Variants in AQP9 observed in about 807,000 individuals in gnomAD.
The protein encoded by AQP9 is aquaporin-9.
In AQP9, 19 loss-of-function variants were observed where a neutral mutation model predicts 23.8. That is an observed-to-expected ratio of 0.80 (90% CI 0.56 to 1.17). The LOEUF (loss-of-function observed/expected upper bound fraction) is 1.17. Among genes scored for constraint, AQP9 ranks in the 50% most tolerant of loss-of-function variants. The pLI is 0.00. For synonymous variants in AQP9, 153 were observed against 131.5 expected (o/e 1.16, Z -1.12); for missense variants, 413 against 362.0 (o/e 1.14, Z -1.14).
At chr15:58,170,518 C>A (rs191889321) in intron 2 of AQP9, among the ~76,000 whole-genome samples, 166 of 152,112 alleles carry the variant, frequency 1.1e-3, no homozygotes, top group African/African-American at 3.7e-3. Context: ...GATTCTCCTG[C>A]CTCAGCCTCC....
At chr15:58,159,404 A>G (rs1898327487) in intron 1 of AQP9, among the ~76,000 whole-genome samples, 1 of 151,974 alleles carries the variant, frequency 6.6e-6, no homozygotes, top group Non-Finnish European at 1.5e-5. Flanking sequence ...AGATGTACAT[A>G]TTTTGGGGGT....
intron 1 of AQP9, among the ~76,000 whole-genome samples, chr15:58,144,468 G>A (rs1201449247): frequency 6.6e-6 from 1 of 152,098 alleles, no homozygotes; most frequent in Non-Finnish European, 1.5e-5. Context: ...CAGTGCCATT[G>A]ATCTGTTTGT....
chr15:58,178,668 T>C (rs1245615896), intron 4 of AQP9, among the ~76,000 whole-genome samples: 1 of 152,254 alleles, frequency 6.6e-6, no homozygotes, highest in East Asian at 1.9e-4. Context: ...TAATTCTGTT[T>C]TCCTTTTTTG....
intron 1 of AQP9, among the ~76,000 whole-genome samples, chr15:58,163,605 C>T (rs192899794): frequency 1.3e-5 from 2 of 151,886 alleles, no homozygotes; most frequent in Non-Finnish European, 2.9e-5. Flanking sequence ...TCTGAATGGA[C>T]GACAGACCTA....
intron 1 of AQP9, among the ~76,000 whole-genome samples, chr15:58,145,208 G>A (rs556154665): frequency 1.3e-5 from 2 of 151,298 alleles, no homozygotes; most frequent in East Asian, 3.9e-4. Context: ...TTCTATTAAC[G>A]TATTTACCCT....
chr15:58,160,497 G>C (rs1180657228), intron 1 of AQP9, among the ~76,000 whole-genome samples: 2 of 152,018 alleles, frequency 1.3e-5, no homozygotes, highest in Non-Finnish European at 2.9e-5. Context: ...TTGTGCCCTT[G>C]CTTAAGTTTA....
chr15:58,141,335 G>A (rs1897949376), intron 1 of AQP9, among the ~76,000 whole-genome samples: 1 of 152,194 alleles, frequency 6.6e-6, no homozygotes, highest in Non-Finnish European at 1.5e-5. Flanking sequence ...ATTTCCTCCT[G>A]AGGTGGAAGG....
intron 5 of AQP9, among the ~76,000 whole-genome samples, chr15:58,182,106 C>A (rs1352548632): frequency 6.6e-6 from 1 of 152,170 alleles, no homozygotes; most frequent in Non-Finnish European, 1.5e-5. Flanking sequence ...GGGCAAGAGT[C>A]AACAGACCCT....
intron 1 of AQP9, chr15:58,164,028 A>T (rs1482218391): frequency 6.6e-6 from 1 of 152,618 alleles, no homozygotes; most frequent in Non-Finnish European, 1.5e-5. Context: ...CTGGGCTCCA[A>T]TCTTCTGAGT....
chr15:58,142,553 C>A (rs1897969684), intron 1 of AQP9, among the ~76,000 whole-genome samples: 1 of 152,206 alleles, frequency 6.6e-6, no homozygotes, highest in Non-Finnish European at 1.5e-5. Context: ...CAGGTAACAC[C>A]AGGGTTCTGA....
chr15:58,152,386 C>T (rs1264615100), intron 1 of AQP9: 1 of 152,120 alleles, frequency 6.6e-6, no homozygotes, highest in African/African-American at 2.4e-5. Flanking sequence ...ATGAGGGACA[C>T]TTGTGTATTA....
chr15:58,173,962 A>G (rs1467019212), intron 3 of AQP9, among the ~76,000 whole-genome samples: 2 of 152,034 alleles, frequency 1.3e-5, no homozygotes, highest in African/African-American at 4.8e-5. Flanking sequence ...TAGGAAGTAG[A>G]ATTTATGAAC....
At chr15:58,172,060 A>T (rs1236056645) in intron 2 of AQP9, among the ~76,000 whole-genome samples, 1 of 152,206 alleles carries the variant, frequency 6.6e-6, no homozygotes, top group Admixed American at 6.5e-5. Flanking sequence ...TCTGCCCACA[A>T]AAGCAGAGAA....
At chr15:58,142,941 T>A (rs1897976658) in intron 1 of AQP9, among the ~76,000 whole-genome samples, 1 of 152,056 alleles carries the variant, frequency 6.6e-6, no homozygotes, top group Non-Finnish European at 1.5e-5. Context: ...CTGTGGGTGG[T>A]TTGTCTGTCC....
chr15:58,162,616 G>T (rs148352409), intron 1 of AQP9, among the ~76,000 whole-genome samples: 200 of 152,254 alleles, frequency 1.3e-3, no homozygotes, highest in Non-Finnish European at 2.5e-3. Context: ...CAGCAAAATG[G>T]TATAACTGAG....
chr15:58,167,046 C>T (rs1373813621), intron 2 of AQP9, among the ~76,000 whole-genome samples: 25 of 152,218 alleles, frequency 1.6e-4, no homozygotes, highest in African/African-American at 5.8e-4. Context: ...ATTCCTAAGT[C>T]TGGCCGCTGC....
Position 58,166,795 on chromosome 15 carries a change from C to G in AQP9, c.234C>G (p.Val78=), listed in dbSNP as rs1200509594. The G allele has an allele frequency of 1.9e-6, 3 of 1,613,618 alleles. No homozygotes were observed. Among genetic ancestry groups the G allele is most frequent in the Non-Finnish European group, 2.5e-6 (3 of 1,179,682 alleles). The change falls in exon 2 of 6, where the codon GTC becomes GTG. Residue 78 remains valine, a synonymous_variant. Transcript: ENST00000219919. ...TGGCCATTTATGTGGCTGGCGGTGT[C>G]TCTGGTAAGCAGTAGAAATAATGAA... ...VAMAIYVAGG[V]SGGHINPAVS... is the part of the protein sequence containing the mutation.
At chr15:58,160,516 A>G (rs370033850) in intron 1 of AQP9, among the ~76,000 whole-genome samples, 160 of 152,210 alleles carry the variant, frequency 1.1e-3, no homozygotes, top group African/African-American at 3.7e-3. Context: ...TAGATATTTT[A>G]ATATCTTTCA....
rs116125368 is a variant in AQP9 at position 58,179,405 on chromosome 15, G to A, written c.713+60G>A. 591 of 1,481,952 alleles carry A rather than the reference G, an allele frequency of 4.0e-4. 5 individuals are homozygous for A. In the African/African-American group the frequency reaches 6.3e-3, roughly 16 times the overall value. 91.8% of individuals were successfully genotyped at this position (1,481,952 alleles called of 1,614,324 possible). ...TCATGCTGCGCCTCACCAGTGGGGCGGGGCTTTGACATGGAGATCCAGGGA... is the reference window on the plus strand; with the variant it reads ...TCATGCTGCGCCTCACCAGTGGGGCAGGGCTTTGACATGGAGATCCAGGGA... On this transcript the variant is annotated intron_variant, in intron 5 of 5. Transcript: ENST00000219919.
Sources: gnomAD v4.1 joint callset for allele counts (sites outside exome capture counted in the v4.1 genomes callset) on GRCh38, gnomAD v4.1.1 for gene constraint, MANE v1.5 for transcripts, NCBI Gene and HGNC (gene_info 2026-07-23, HGNC 2026-07-21) for gene names.